The following USH2A variants were observed in gnomAD, a reference collection of about 807,000 sequenced individuals.
The protein encoded by USH2A is Usher syndrome 2A (autosomal recessive, mild).
In USH2A, 443 loss-of-function variants were observed where a neutral mutation model predicts 538.9. The observed-to-expected ratio is 0.82, with a 90% CI of 0.76 to 0.89. The LOEUF is 0.89. Among genes scored for constraint, USH2A ranks in the 40% least tolerant of loss-of-function variants. The pLI is 0.00. For missense variants in USH2A, 6,633 were observed against 6,324.8 expected, an observed-to-expected ratio of 1.05 and a Z score of -1.65; for synonymous variants, 2,413 against 2,273.5, an observed-to-expected ratio of 1.06 and a Z score of -1.75.
chr1:216,216,871 G>A (rs141196607), intron 15 of USH2A, among the ~76,000 whole-genome samples: 6 of 152,118 alleles, frequency 3.9e-5, no homozygotes, highest in African/African-American at 7.2e-5. Flanking sequence ...TAATATGCGT[G>A]ACGAATGATA....
intron 21 of USH2A, among the ~76,000 whole-genome samples, chr1:216,149,321 C>T (rs1374709799): frequency 6.6e-6 from 1 of 152,178 alleles, no homozygotes; most frequent in Non-Finnish European, 1.5e-5. Flanking sequence ...GTTTGGCCTT[C>T]CCACCTCTAT....
chr1:215,628,959 C>A lies in USH2A; in HGVS notation c.15374G>T (p.Arg5125Leu). The A allele has an allele frequency of 6.2e-7, 1 of 1,613,988 alleles. No individual in the cohort carries two copies. Residue 5125 changes from arginine to leucine, a missense_variant, in exon 71 of 72, where the codon CGC (arginine) becomes CTC (leucine). By Grantham distance (102) the Arg-to-Leu change is moderately radical. Transcript: ENST00000307340. ...GCTGGTTTGGTTTTGACTCGGGATG[C>A]GCAGGACACATGCACTCCGGTTGCT... ...IRSNRSACVL[R>L]IPSQNQTSLT...
In USH2A at chr1:216,390,030, G is replaced by T. The variant is rs188170890; in HGVS notation, c.652-24945C>A. On this transcript the variant is annotated intron_variant, in intron 3 of 71. Coordinates refer to ENST00000307340, the MANE Select transcript of USH2A (RefSeq NM_206933.4). ...GTCAGTTTTAAAAGACAGTAAGAAA[G>T]AGAAAGTATGCCAGTAAATGTAGAG... 2.3e-4 allele frequency among the ~76,000 whole-genome samples: 35 copies of T among 152,186 alleles called. No individual in the cohort carries two copies. In the East Asian group the frequency reaches 6.6e-3, roughly 29 times the overall value.
intron 38 of USH2A, chr1:215,901,513 T>C (rs953850765): frequency 1.2e-5 from 2 of 160,236 alleles, no homozygotes; most frequent in Admixed American, 1.2e-4. Context: ...CCTATGTGTT[T>C]TATACAATTA....
chr1:215,798,903 T>C lies in USH2A; in HGVS notation c.9958+4A>G, dbSNP rs1206585015. On this transcript the variant is annotated splice_donor_region_variant and intron_variant, in intron 50 of 71. Transcript: ENST00000307340. ...CTACTGAAAGGTAGACCTGGGCCCCTTACCTGGAAGGCGATTGTACACCAC... is the reference window on the plus strand; with the variant it reads ...CTACTGAAAGGTAGACCTGGGCCCCCTACCTGGAAGGCGATTGTACACCAC... 2 of 1,614,058 alleles carry C rather than the reference T, an allele frequency of 1.2e-6. No homozygotes were observed. The highest frequency in any genetic ancestry group is 1.7e-5 in the Admixed American group (1 of 59,986).
At chr1:216,156,372 G>A (rs1361690531) in intron 21 of USH2A, among the ~76,000 whole-genome samples, 1 of 138,326 alleles carries the variant, frequency 7.2e-6, no homozygotes, top group Admixed American at 7.7e-5. Flanking sequence ...CTCTAGACTG[G>A]GTTGAGTGCT....
intron 58 of USH2A, among the ~76,000 whole-genome samples, chr1:215,748,841 A>G (rs1223076755): frequency 6.6e-6 from 1 of 152,240 alleles, no homozygotes; most frequent in South Asian, 2.1e-4. Flanking sequence ...GCCTTTCAAT[A>G]TATTCCCATA....
chr1:215,976,322 C>T (rs1193926463), intron 35 of USH2A, among the ~76,000 whole-genome samples: 1 of 152,130 alleles, frequency 6.6e-6, no homozygotes, highest in Admixed American at 6.6e-5. Flanking sequence ...TGCCTGATTG[C>T]TCTGGCAAGG....
rs191568113 is a variant in USH2A, at chr1:216,375,891, A to C, written c.652-10806T>G. On this transcript the variant is annotated intron_variant, in intron 3 of 71. Transcript: ENST00000307340. ...TTTAATTTCAATATTGTTGTGTCTC[A>C]GGGAACAGGGAGGCCCAAGGAGAAG... is the stretch of plus-strand genomic sequence containing the variant. Among the ~76,000 whole-genome samples, 3 of 152,234 alleles carry C rather than the reference A, an allele frequency of 2.0e-5. No homozygotes were observed. The East Asian group carries it at 5.8e-4, about 29-fold the overall frequency.
chr1:216,140,305 T>C (rs550800498), intron 21 of USH2A, among the ~76,000 whole-genome samples: 9 of 152,312 alleles, frequency 5.9e-5, no homozygotes, highest in African/African-American at 1.9e-4. Context: ...CGGCACATAG[T>C]AGATGCTCAA....
intron 61 of USH2A, among the ~76,000 whole-genome samples, chr1:215,721,107 C>T (rs1216310275): frequency 6.6e-6 from 1 of 152,024 alleles, no homozygotes; most frequent in Non-Finnish European, 1.5e-5. Flanking sequence ...CAGGTTCTTG[C>T]CCTGTCACCC....
intron 13 of USH2A, among the ~76,000 whole-genome samples, chr1:216,233,871 T>C (rs1233276485): frequency 6.6e-6 from 1 of 152,110 alleles, no homozygotes. Flanking sequence ...TGTGTGTTCA[T>C]GTATGTGTAC....
intron 36 of USH2A, among the ~76,000 whole-genome samples, chr1:215,966,804 T>C (rs1667358408): frequency 1.3e-5 from 2 of 152,194 alleles, no homozygotes; most frequent in Admixed American, 6.5e-5. Context: ...TTTAAAGCAT[T>C]CCAAATAAAA....
chr1:215,716,943 T>G (rs1659505188), intron 61 of USH2A, among the ~76,000 whole-genome samples: 1 of 152,150 alleles, frequency 6.6e-6, no homozygotes, highest in African/African-American at 2.4e-5. Flanking sequence ...TTTATCACTT[T>G]CCCAAGTGGT....
chr1:216,131,787 A>G (rs2033381397), intron 21 of USH2A, among the ~76,000 whole-genome samples: 1 of 152,070 alleles, frequency 6.6e-6, no homozygotes, highest in Non-Finnish European at 1.5e-5. Flanking sequence ...CTTCTTTTCT[A>G]AAACCCCTTA....
intron 50 of USH2A, among the ~76,000 whole-genome samples, chr1:215,792,812 G>A (rs1251881106): frequency 2.6e-5 from 4 of 152,142 alleles, no homozygotes; most frequent in South Asian, 2.1e-4. Context: ...CGGAATGCAC[G>A]ATTTTAAATA....
chr1:216,305,876 T>A, intron 9 of USH2A, among the ~76,000 whole-genome samples: 1 of 152,274 alleles, frequency 6.6e-6, no homozygotes, highest in African/African-American at 2.4e-5. Context: ...TGCTGAGAAA[T>A]CTGCTGTTAA....
At chr1:215,949,123 AT>A (rs767826525) in intron 37 of USH2A, among the ~76,000 whole-genome samples, 1 of 152,120 alleles carries the variant, frequency 6.6e-6, no homozygotes. Flanking sequence ...AAAGTATTGA[AT>A]AAAAATGGCA....
chr1:215,937,951 C>T (rs1169105653), intron 37 of USH2A, among the ~76,000 whole-genome samples: 2 of 151,940 alleles, frequency 1.3e-5, no homozygotes, highest in Non-Finnish European at 2.9e-5. Context: ...AACACTACTG[C>T]TTGCTTTGAA....
Sources: gnomAD v4.1 joint callset for allele counts (sites outside exome capture counted in the v4.1 genomes callset) on GRCh38, gnomAD v4.1.1 for gene constraint, MANE v1.5 for transcripts, NCBI Gene and HGNC (gene_info 2026-07-23, HGNC 2026-07-21) for gene names.